Variants in COL22A1 observed in about 807,000 individuals in gnomAD.
The protein encoded by COL22A1 is collagen type XXII alpha 1 chain, also known as collagen alpha-1(XXII) chain.
A neutral mutation model predicts 248.9 loss-of-function variants in COL22A1; 221 were observed. The observed-to-expected ratio is 0.89, with a 90% CI of 0.80 to 0.99. COL22A1 has a LOEUF of 0.99. Among genes scored for constraint, COL22A1 ranks in the 50% least tolerant of loss-of-function variants. The probability of loss-of-function intolerance (pLI) is 0.00; values close to 1 mark genes in which losing one functional copy is unlikely to be tolerated. For synonymous variants in COL22A1, 891 were observed against 793.4 expected (o/e 1.12, Z -2.07); for missense variants, 2,240 against 2,179.0 (o/e 1.03, Z -0.56).
chr8:138,874,040 G>T (rs1288002960), intron 3 of COL22A1, among the ~76,000 whole-genome samples: 1 of 152,174 alleles, frequency 6.6e-6, no homozygotes, highest in Non-Finnish European at 1.5e-5. Context: ...TTCAAATTCT[G>T]CCATGCTGCC....
chr8:138,882,592 T>TCACACACTCCCTCACACTCC (rs1404953124), intron 2 of COL22A1, among the ~76,000 whole-genome samples: 1 of 118,606 alleles, frequency 8.4e-6, no homozygotes, highest in South Asian at 2.8e-4. Flanking sequence ...ACTGTCAAAC[T>TCACACACTCCCTCACACTCC]CACACACTCC....
At position 138,614,722 on chromosome 8, in the gene COL22A1, T is replaced by A. The variant is rs554799705; in HGVS notation, c.3925-802A>T. On this transcript the variant is annotated intron_variant, in intron 55 of 64. Transcript: ENST00000303045. ...CCTTCAGCTTCTGAGAAGCCCCTTT[T>A]TGGGTGGGGTTGGGGTGGGCTCTAC... Among the ~76,000 whole-genome samples the A allele has an allele frequency of 7.9e-5, 12 of 152,106 alleles. No individual in the cohort carries two copies. In the South Asian group the frequency reaches 2.1e-3, roughly 26 times the overall value.
intron 4 of COL22A1, among the ~76,000 whole-genome samples, chr8:138,843,554 G>C (rs1821032464): frequency 2.0e-5 from 3 of 152,164 alleles, no homozygotes; most frequent in African/African-American, 7.2e-5. Flanking sequence ...TTGGGATGGT[G>C]GGGAACCACC....
Position 138,679,603 on chromosome 8 carries a change from A to G in COL22A1, c.3072+14T>C, listed in dbSNP as rs747187865. On this transcript the variant is annotated intron_variant, in intron 40 of 64. Coordinates refer to ENST00000303045, the MANE Select transcript of COL22A1 (RefSeq NM_152888.3). ...TCTGTCTTTTTGCAAATGTTTGCAT[A>G]GATCTTCACTGACCTTAACACATTG... 1 of 1,612,252 alleles carries G rather than the reference A, an allele frequency of 6.2e-7. No homozygotes were observed. Among genetic ancestry groups the G allele is most frequent in the South Asian group, 1.1e-5 (1 of 91,040 alleles).
chr8:138,729,369 A>C (rs944022198), intron 23 of COL22A1, among the ~76,000 whole-genome samples: 1 of 152,164 alleles, frequency 6.6e-6, no homozygotes, highest in African/African-American at 2.4e-5. Context: ...GGCTCTAAAT[A>C]TGGGTTTGAA....
chr8:138,635,626 C>T (rs1030191293), intron 48 of COL22A1, among the ~76,000 whole-genome samples: 2 of 151,918 alleles, frequency 1.3e-5, no homozygotes, highest in Non-Finnish European at 2.9e-5. Context: ...AGTTATAGAA[C>T]AAAGCTTGGA....
intron 7 of COL22A1, among the ~76,000 whole-genome samples, chr8:138,816,688 G>A (rs1355603512): frequency 6.6e-6 from 1 of 152,168 alleles, no homozygotes; most frequent in East Asian, 1.9e-4. Flanking sequence ...GGCTGTGGTG[G>A]GAACCAAGGA....
At chr8:138,783,368 G>A (rs1033262071) in intron 12 of COL22A1, among the ~76,000 whole-genome samples, 1 of 152,030 alleles carries the variant, frequency 6.6e-6, no homozygotes, top group Non-Finnish European at 1.5e-5. Context: ...CCATCTGCAG[G>A]CTGAGAAGCA....
chr8:138,755,929 A>T, intron 18 of COL22A1, 100 bp from the exon 19 acceptor site: 1 of 963,234 alleles, frequency 1.0e-6, no homozygotes, highest in Non-Finnish European at 1.7e-6. Context: ...AGGGGACCAC[A>T]CCCCTCCCTG....
Position 138,849,915 on chromosome 8 carries a change from A to G in COL22A1, c.659-5757T>C, listed in dbSNP as rs186226204. 2.3e-3 allele frequency among the ~76,000 whole-genome samples: 356 copies of G among 152,280 alleles called. 2 individuals carry two copies. The highest frequency in any genetic ancestry group is 8.2e-3 in the African/African-American group (342 of 41,544). ...GTTGTGATAGAATAATAACCAGCCAATCGCTGTGTGTAATGTCAGCATTAC... is the reference window on the plus strand; with the variant it reads ...GTTGTGATAGAATAATAACCAGCCAGTCGCTGTGTGTAATGTCAGCATTAC... On this transcript the variant is annotated intron_variant, in intron 3 of 64. Coordinates refer to ENST00000303045, the MANE Select transcript of COL22A1 (RefSeq NM_152888.3).
chr8:138,877,870 C>T lies in COL22A1; in HGVS notation c.538G>A (p.Ala180Thr). Reference sequence around the variant, plus strand: ...ATCTCCTCCAGCTCCTCCTTGAGTGCCTCGCCCACGCCCACGGCAAAGATG... The same window carrying T: ...ATCTCCTCCAGCTCCTCCTTGAGTGTCTCGCCCACGCCCACGGCAAAGATG... ...IRIFAVGVGE[A>T]LKEELEEIAS... Residue 180 changes from alanine (A) to threonine (T), a missense_variant, in exon 3 of 65, where the codon GCA (alanine) becomes ACA (threonine). Coordinates refer to ENST00000303045, the MANE Select transcript of COL22A1 (RefSeq NM_152888.3). 2 of 1,613,174 alleles carry T rather than the reference C, an allele frequency of 1.2e-6. No individual in the cohort carries two copies. Among genetic ancestry groups the T allele is most frequent in the Middle Eastern group, 1.7e-4 (1 of 6,052 alleles).
intron 5 of COL22A1, among the ~76,000 whole-genome samples, 155 bp downstream of exon 5, chr8:138,832,884 C>T (rs1820156084): frequency 6.6e-6 from 1 of 152,212 alleles, no homozygotes; most frequent in Admixed American, 6.5e-5. Flanking sequence ...TTCCCTGGTC[C>T]AGTGGTTCAG....
chr8:138,767,396 C>G (rs149199401), intron 16 of COL22A1, among the ~76,000 whole-genome samples: 419 of 152,258 alleles, frequency 2.8e-3, no homozygotes, highest in Non-Finnish European at 4.4e-3. Flanking sequence ...GACCTGGATT[C>G]TAATCCTGAC....
At chr8:138,624,152 G>A (rs1820060832) in intron 51 of COL22A1, among the ~76,000 whole-genome samples, 1 of 152,164 alleles carries the variant, frequency 6.6e-6, no homozygotes, top group Non-Finnish European at 1.5e-5. Context: ...AGTGATGGGT[G>A]AGGGGGGAAT....
At chr8:138,698,568 T>C (rs531464876) in intron 32 of COL22A1, among the ~76,000 whole-genome samples, 1 of 152,304 alleles carries the variant, frequency 6.6e-6, no homozygotes, top group South Asian at 2.1e-4. Context: ...GTAAGGGAGT[T>C]CCTCATGCAG....
At chr8:138,896,194 AACATGGAT>A (rs1825403600) in intron 1 of COL22A1, among the ~76,000 whole-genome samples, 1 of 152,236 alleles carries the variant, frequency 6.6e-6, no homozygotes, top group African/African-American at 2.4e-5. Context: ...TGGAGACTTT[AACATGGAT>A]AAAAATAAGG....
At chr8:138,756,949 C>T (rs1833055850) in intron 18 of COL22A1, among the ~76,000 whole-genome samples, 1 of 152,112 alleles carries the variant, frequency 6.6e-6, no homozygotes, top group Admixed American at 6.5e-5. Context: ...TTCATTGTAC[C>T]TTCCTGTTTT....
chr8:138,606,521 GTGACCACTC>G, intron 57 of COL22A1, 69 bp from the exon 58 acceptor site: 1 of 1,456,212 alleles, frequency 6.9e-7, no homozygotes. Context: ...TGGAAACCTT[GTGACCACTC>G]TGAAATCAAA....
chr8:138,903,762 G>A (rs1032563606), intron 1 of COL22A1, among the ~76,000 whole-genome samples: 2 of 152,160 alleles, frequency 1.3e-5, no homozygotes, highest in Non-Finnish European at 2.9e-5. Context: ...AGGTGGCAGG[G>A]GACCAGAATG....
Sources: allele counts gnomAD v4.1 joint callset (sites outside exome capture counted in the v4.1 genomes callset), GRCh38; gene constraint gnomAD v4.1.1; transcripts MANE v1.5; gene names NCBI Gene and HGNC (gene_info 2026-07-23, HGNC 2026-07-21).